The following PTPRG variants were observed in gnomAD, a reference collection of about 807,000 sequenced individuals.
PTPRG encodes protein tyrosine phosphatase receptor type G, also known as receptor-type tyrosine-protein phosphatase gamma.
In PTPRG, 102 loss-of-function variants were observed where a neutral mutation model predicts 165.3. That is an observed-to-expected ratio of 0.62 (90% CI 0.53 to 0.73). PTPRG has a LOEUF of 0.73. PTPRG is among the 30% of genes least tolerant of loss of function. PTPRG has a pLI of 0.00. For synonymous variants in PTPRG, 675 were observed against 669.5 expected, an observed-to-expected ratio of 1.01 and a Z score of -0.13; for missense variants, 1,866 against 1,861.4, an observed-to-expected ratio of 1.00 and a Z score of -0.05.
chr3:61,854,113 A>G (rs1335278574), intron 2 of PTPRG, among the ~76,000 whole-genome samples: 1 of 152,230 alleles, frequency 6.6e-6, no homozygotes, highest in East Asian at 1.9e-4. Context: ...TGACAGCAAG[A>G]GAATGAGATC....
intron 2 of PTPRG, among the ~76,000 whole-genome samples, chr3:61,776,090 A>T (rs904769172): frequency 9.1e-4 from 4 of 4,372 alleles, no homozygotes; most frequent in Non-Finnish European, 1.6e-3. Context: ...TAATAAAATT[A>T]AAAAAAAAAA....
At chr3:62,064,962 G>T (rs565528479) in intron 4 of PTPRG, among the ~76,000 whole-genome samples, 2 of 151,954 alleles carry the variant, frequency 1.3e-5, no homozygotes, top group South Asian at 2.1e-4. Context: ...TTGATTTCCT[G>T]ACCTCCTGAT....
At chr3:61,787,862 C>T (rs1024245099) in intron 2 of PTPRG, among the ~76,000 whole-genome samples, 1 of 152,108 alleles carries the variant, frequency 6.6e-6, no homozygotes, top group Non-Finnish European at 1.5e-5. Context: ...CCCTCGTTAC[C>T]CAGTGGAGTC....
chr3:61,647,664 C>T (rs1220342682), intron 1 of PTPRG, among the ~76,000 whole-genome samples: 7 of 151,968 alleles, frequency 4.6e-5, no homozygotes, highest in Non-Finnish European at 8.8e-5. Context: ...TGGTGGCAGG[C>T]ACCTGTAGTC....
chr3:62,273,133 G>T lies in PTPRG; in HGVS notation c.3318+52G>T. ...CGACATTCTGGCAAATGCTGTAACT[G>T]AAATTTGTTAAATGATAATGAAGAG... On this transcript the variant is annotated intron_variant, in intron 22 of 29. Transcript: ENST00000474889. This position sits in a 1 kb window ranked among gnomAD's most constrained non-coding sequence, Gnocchi z 4.1. The T allele has an allele frequency of 6.5e-7, 1 of 1,534,474 alleles. No individual in the cohort carries two copies. Among genetic ancestry groups the T allele is most frequent in the Non-Finnish European group, 8.8e-7 (1 of 1,140,810 alleles).
chr3:62,116,219 C>G (rs1229491578), intron 5 of PTPRG, among the ~76,000 whole-genome samples: 2 of 152,110 alleles, frequency 1.3e-5, no homozygotes, highest in African/African-American at 4.8e-5. Context: ...CTTCCGTTGT[C>G]ATAGGACAGA....
chr3:62,203,309 C>G lies in PTPRG; in HGVS notation c.1514C>G (p.Ala505Gly). 6.2e-7 allele frequency: 1 copy of G among 1,614,006 alleles called. No individual in the cohort carries two copies. Among genetic ancestry groups the G allele is most frequent in the Non-Finnish European group, 8.5e-7 (1 of 1,180,022 alleles). The change falls in exon 12 of 30, where the codon GCC becomes GGC. Residue 505 changes from alanine (A) to glycine (G), a missense_variant. This residue lies in a region of PTPRG where 1,452 missense variants were observed against 1,463.0 expected (regional missense o/e 0.99). Coordinates refer to ENST00000474889, the MANE Select transcript of PTPRG (RefSeq NM_002841.4). This position sits in a 1 kb window ranked among gnomAD's most constrained non-coding sequence, Gnocchi z 6.4. ...GGCCCCTCCTCCAGTGGCAGCCAGG[C>G]CACAGTGGCCTCGGTGGTCACCAGC... ...GMGPSSSGSQ[A>G]TVASVVTSTL...
intron 2 of PTPRG, among the ~76,000 whole-genome samples, chr3:61,910,035 T>C (rs1274600999): frequency 6.6e-6 from 1 of 152,224 alleles, no homozygotes; most frequent in African/African-American, 2.4e-5. Context: ...CCATTCTTTT[T>C]TCCCCAAAGA....
At chr3:61,601,491 A>G (rs17065057) in intron 1 of PTPRG, among the ~76,000 whole-genome samples, 13,416 of 152,216 alleles carry the variant, frequency 0.088, 696 homozygotes, top group East Asian at 0.22. Flanking sequence ...TCCAGTATTT[A>G]TGGGCTCAAA....
intron 1 of PTPRG, among the ~76,000 whole-genome samples, chr3:61,643,750 T>A (rs1443887554): frequency 6.8e-6 from 1 of 147,232 alleles, no homozygotes; most frequent in South Asian, 2.1e-4. Context: ...GGTAACAGAA[T>A]GAGACTCTGT....
chr3:61,804,209 T>A (rs890336536), intron 2 of PTPRG, among the ~76,000 whole-genome samples: 2 of 152,148 alleles, frequency 1.3e-5, no homozygotes, highest in Non-Finnish European at 2.9e-5. Flanking sequence ...CTGAGCCAAG[T>A]CAGTATTAAT....
intron 1 of PTPRG, among the ~76,000 whole-genome samples, 184 bp downstream of exon 1, chr3:61,562,556 C>G (rs1699786411): frequency 6.8e-6 from 1 of 146,512 alleles, no homozygotes; most frequent in African/African-American, 2.5e-5. Context: ...GGGAGGCAGG[C>G]TAGTGGTCGA....
chr3:62,196,143 T>G (rs953350455), intron 10 of PTPRG, among the ~76,000 whole-genome samples: 2 of 148,968 alleles, frequency 1.3e-5, no homozygotes, highest in African/African-American at 4.9e-5. Context: ...ACACCTGTTA[T>G]CCCAGCACTT....
At chr3:61,608,419 T>C (rs1278059156) in intron 1 of PTPRG, among the ~76,000 whole-genome samples, 1 of 152,186 alleles carries the variant, frequency 6.6e-6, no homozygotes. Context: ...TGGGAGGATG[T>C]GTGTGCTGGG....
intron 5 of PTPRG, chr3:62,124,555 G>T: frequency 2.1e-6 from 3 of 1,407,108 alleles, no homozygotes; most frequent in Non-Finnish European, 3.0e-6. Context: ...TGCCCAGGCG[G>T]TGGTCCAACA....
chr3:62,157,585 A>T (rs968870274), intron 7 of PTPRG, among the ~76,000 whole-genome samples: 1 of 152,148 alleles, frequency 6.6e-6, no homozygotes, highest in Non-Finnish European at 1.5e-5. Flanking sequence ...TTCATGAACA[A>T]CACTCTTGTG....
intron 2 of PTPRG, among the ~76,000 whole-genome samples, chr3:61,838,071 G>A (rs1575708017): frequency 6.6e-6 from 1 of 152,330 alleles, no homozygotes; most frequent in Admixed American, 6.5e-5. Context: ...GAATGTTGCA[G>A]GGGAGGCACA....
chr3:62,274,699 T>C (rs1406222134), intron 23 of PTPRG, among the ~76,000 whole-genome samples: 1 of 152,166 alleles, frequency 6.6e-6, no homozygotes, highest in African/African-American at 2.4e-5. Context: ...AAGCAAATTA[T>C]ACCAAGTGAT....
intron 1 of PTPRG, among the ~76,000 whole-genome samples, chr3:61,645,742 C>G (rs540224688): frequency 5.2e-4 from 79 of 152,292 alleles, no homozygotes; most frequent in African/African-American, 1.8e-3. Flanking sequence ...GTGAAAGCAG[C>G]CATAGACAAT....
Sources: allele counts gnomAD v4.1 joint callset (sites outside exome capture counted in the v4.1 genomes callset), GRCh38; gene constraint gnomAD v4.1.1; regional missense constraint gnomAD v4.1.1; non-coding constraint Gnocchi (gnomAD v3.1); transcripts MANE v1.5; gene names NCBI Gene and HGNC (gene_info 2026-07-23, HGNC 2026-07-21).